KLK4: variants seen among roughly 807,000 people sequenced by gnomAD.
KLK4 encodes kallikrein-4.
A neutral mutation model predicts 24.3 loss-of-function variants in KLK4; 24 were observed. The observed-to-expected ratio is 0.99, with a 90% CI of 0.72 to 1.39. The LOEUF (loss-of-function observed/expected upper bound fraction) is 1.39, where lower values mean the gene tolerates loss of function less well. Among genes scored for constraint, KLK4 ranks in the 40% most tolerant of loss-of-function variants. KLK4 has a pLI of 0.00. For synonymous variants in KLK4, 142 were observed against 138.8 expected (o/e 1.02, Z -0.16); for missense variants, 344 against 327.4 (o/e 1.05, Z -0.39).
chr19:50,906,480 C>T (rs932383275), exon 6 of KLK4: 6 of 284,424 alleles, frequency 2.1e-5, no homozygotes, highest in Non-Finnish European at 3.4e-5. Flanking sequence ...GGCATTGGAC[C>T]GCTGGGTCTG....
At chr19:50,907,485 C>T (rs1393042080) in intron 5 of KLK4, among the ~76,000 whole-genome samples, 1 of 145,644 alleles carries the variant, frequency 6.9e-6, no homozygotes, top group Non-Finnish European at 1.5e-5. Flanking sequence ...CAACTCACTT[C>T]AACCTCTGCC....
chr19:50,908,932 C>T (rs2090461245), intron 3 of KLK4, 103 bp from the exon 4 acceptor site: 1 of 1,550,344 alleles, frequency 6.5e-7, no homozygotes, highest in African/African-American at 1.4e-5. Flanking sequence ...CCCAACCCCA[C>T]CCTCTTCGCT....
exon 6 of KLK4, chr19:50,906,938 C>G: frequency 1.2e-6 from 2 of 1,614,140 alleles, no homozygotes; most frequent in African/African-American, 1.3e-5. Flanking sequence ...CCAGAGTTAA[C>G]TGGCCTGGAC....
chr19:50,909,410 C>A lies in KLK4; in HGVS notation c.66G>T (p.Ser22=), dbSNP rs1654552. 690,344 of 1,613,460 alleles carry A rather than the reference C, an allele frequency of 0.43. 156,684 individuals are homozygous for A. Among genetic ancestry groups the A allele is most frequent in the Non-Finnish European group, 0.47 (549,193 of 1,179,564 alleles). ...TTTGGCTGCAGCTACCAGAGACGAG[C>A]GATCCTGAGGGCGGAGTCAGGGATG... Residue 22 remains serine, a synonymous_variant, in exon 3 of 6, where the codon TCG becomes TCT. Coordinates refer to ENST00000324041, the Ensembl canonical transcript of KLK4.
At chr19:50,907,866 A>C (rs1041820127) in intron 5 of KLK4, 12 of 240,174 alleles carry the variant, frequency 5.0e-5, no homozygotes, top group African/African-American at 2.7e-4. Context: ...ACATTAGAAA[A>C]ATTTTAGGAG....
At chr19:50,907,272 G>T (rs771720241) in intron 5 of KLK4, among the ~76,000 whole-genome samples, 186 bp from the exon 6 acceptor site, 2 of 152,070 alleles carry the variant, frequency 1.3e-5, no homozygotes, top group Admixed American at 6.6e-5. Context: ...CCTGCTTCCC[G>T]ATGTCCTATG....
In KLK4 at chr19:50,909,354, G is replaced by T. The variant is rs1360189714; in HGVS notation, c.122C>A (p.Ser41Ter). 11 of 1,614,090 alleles carry T rather than the reference G, an allele frequency of 6.8e-6. No individual in the cohort carries two copies. The highest frequency in any genetic ancestry group is 7.6e-6 in the Non-Finnish European group (9 of 1,180,046). ...GACCAGTGCCGCCTGCCAGGGCTGCGAGTGCGGGCTGCAGTCCTCGCCGTT... is the reference window on the plus strand; with the variant it reads ...GACCAGTGCCGCCTGCCAGGGCTGCTAGTGCGGGCTGCAGTCCTCGCCGTT... Residue 41 changes from serine (S) to a stop codon, truncating the protein, a stop_gained, in exon 3 of 6, where the codon TCG becomes TAG. Transcript: ENST00000324041. LOFTEE classifies it high-confidence loss of function.
chr19:50,910,711 A>T lies in KLK4; in HGVS notation c.28T>A (p.Trp10Arg). The change falls in exon 2 of 6, where the codon TGG (tryptophan) becomes AGG (arginine). Residue 10 changes from tryptophan (W) to arginine (R), a missense_variant. Physicochemically the swap from Trp to Arg is moderately radical, Grantham distance 101. Coordinates refer to ENST00000324041, the Ensembl canonical transcript of KLK4. This position sits in a 1 kb window ranked among gnomAD's most constrained non-coding sequence, Gnocchi z 4.4. ...CCAAGGATGAGGTACCCCAGGAACC[A>T]GCCCCAGGGATTTCCTGCTGTGGCC... 6.4e-7 allele frequency: 1 copy of T among 1,555,420 alleles called. No individual in the cohort carries two copies. Among genetic ancestry groups the T allele is most frequent in the Non-Finnish European group, 8.7e-7 (1 of 1,148,742 alleles).
chr19:50,910,138 C>T lies in KLK4; in HGVS notation c.61+540G>A, dbSNP rs1225600089. On this transcript the variant is annotated intron_variant, in intron 2 of 5. Transcript: ENST00000324041. This position sits in a 1 kb window ranked among gnomAD's most constrained non-coding sequence, Gnocchi z 4.4. Reference sequence around the variant, plus strand: ...TGGAGTTGTTGCTGGGAGCAAGGATCGGGTCACTTGTCTGCGCAGACTGAT... The same window carrying T: ...TGGAGTTGTTGCTGGGAGCAAGGATTGGGTCACTTGTCTGCGCAGACTGAT... Among the ~76,000 whole-genome samples, 1 of 151,982 alleles carries T rather than the reference C, an allele frequency of 6.6e-6. No homozygotes were observed. The highest frequency in any genetic ancestry group is 1.5e-5 in the Non-Finnish European group (1 of 67,988).
rs752737754 is a variant in KLK4, at chr19:50,908,545, C to T, written c.475+34G>A. ...CCCCCGCGACTGGGCAGAGGACCTCCTTGAAGAGGGCAGACACACACCCGT... is the reference window on the plus strand; with the variant it reads ...CCCCCGCGACTGGGCAGAGGACCTCTTTGAAGAGGGCAGACACACACCCGT... On this transcript the variant is annotated intron_variant, in intron 4 of 5. Transcript: ENST00000324041. The T allele has an allele frequency of 1.9e-6, 3 of 1,614,164 alleles. No individual in the cohort carries two copies. The Admixed American group carries it at 5.0e-5, about 27-fold the overall frequency.
rs746874430 is a variant in KLK4, at chr19:50,910,656, A to G, written c.61+22T>C. 6 of 1,551,378 alleles carry G rather than the reference A, an allele frequency of 3.9e-6. No individual in the cohort carries two copies. In the Admixed American group the frequency reaches 5.9e-5, roughly 15 times the overall value. On this transcript the variant is annotated intron_variant, in intron 2 of 5. Coordinates refer to ENST00000324041, the Ensembl canonical transcript of KLK4. The surrounding 1 kb of genome is among the most constrained non-coding windows in gnomAD (Gnocchi z 4.4). ...ACTGTGCCCCCAAGCACGGACAGAC[A>G]CACACACGCATACTCAGATACCTGC...
At chr19:50,908,493 T>C (rs2090453872) in exon 5 of KLK4, 1 of 1,614,102 alleles carries the variant, frequency 6.2e-7, no homozygotes. Context: ...GTAGGCATTC[T>C]GCCTGGGACG....
chr19:50,909,437 G>GA (rs764502472), intron 2 of KLK4, 23 bp from the exon 3 acceptor site: 5 of 1,613,528 alleles, frequency 3.1e-6, no homozygotes, highest in African/African-American at 1.3e-5. Context: ...TCAGGGATGG[G>GA]ATCGGGACCA....
chr19:50,911,165 C>T (rs2090485144), intron 1 of KLK4, among the ~76,000 whole-genome samples, 174 bp downstream of exon 1: 1 of 152,114 alleles, frequency 6.6e-6, no homozygotes, highest in Admixed American at 6.5e-5. Context: ...TTCAGAGAGA[C>T]AGAGAGACCC....
At chr19:50,908,536 G>A (rs368281213) in intron 4 of KLK4, 41 bp from the exon 5 acceptor site, 258 of 1,614,078 alleles carry the variant, frequency 1.6e-4, no homozygotes, top group Middle Eastern at 6.6e-4. Flanking sequence ...CGACTGGGCA[G>A]AGGACCTCCT....
chr19:50,908,469 C>T (rs890552229), exon 5 of KLK4: 2 of 1,614,208 alleles, frequency 1.2e-6, no homozygotes, highest in Non-Finnish European at 8.5e-7. Context: ...GACACGTTCA[C>T]GCACTGCAGC....
At position 50,909,272 on chromosome 19, in the gene KLK4, T is replaced by C. The variant is rs756927810; in HGVS notation, c.204A>G (p.Ser68=). The C allele has an allele frequency of 3.1e-6, 5 of 1,614,162 alleles. No individual in the cohort carries two copies. In the Admixed American group the frequency reaches 5.0e-5, roughly 16 times the overall value. The change falls in exon 3 of 6, where the codon TCA becomes TCG. Residue 68 remains serine, a synonymous_variant. Transcript: ENST00000324041. Reference sequence around the variant, plus strand: ...CTCACTTCTGGAAACAGTGTGCGGCTGACAGCACCCACTGCGGATGCACCA... The same window carrying C: ...CTCACTTCTGGAAACAGTGTGCGGCCGACAGCACCCACTGCGGATGCACCA...
Position 50,908,584 on chromosome 19 carries a change from G to A in KLK4, c.470C>T (p.Ala157Val), listed in dbSNP as rs772066068. The A allele has an allele frequency of 5.6e-6, 9 of 1,614,196 alleles. No homozygotes were observed. In the South Asian group the frequency reaches 7.7e-5, roughly 14 times the overall value. Residue 157 changes from alanine to valine, a missense_variant, in exon 4 of 6, where the codon GCG (alanine) becomes GTG (valine). By Grantham distance (64) the Ala-to-Val change is moderately conservative. Transcript: ENST00000324041. Reference sequence around the variant, plus strand: ...ACACACACCCGTGAGCTCACCGTTCGCCAGCAGACCCCAGCCAGAAACGAG... The same window carrying A: ...ACACACACCCGTGAGCTCACCGTTCACCAGCAGACCCCAGCCAGAAACGAG...
At chr19:50,911,151 T>C (rs1451162448) in intron 1 of KLK4, among the ~76,000 whole-genome samples, 188 bp downstream of exon 1, 1 of 151,930 alleles carries the variant, frequency 6.6e-6, no homozygotes, top group African/African-American at 2.4e-5. Context: ...CATGGAGATA[T>C]AGATTCAGAG....
Sources: allele counts gnomAD v4.1 joint callset (sites outside exome capture counted in the v4.1 genomes callset), GRCh38; gene constraint gnomAD v4.1.1; non-coding constraint Gnocchi (gnomAD v3.1); transcripts MANE v1.5; gene names NCBI Gene and HGNC (gene_info 2026-07-23, HGNC 2026-07-21).